Variants in GARIN1A observed in about 807,000 individuals in gnomAD.
GARIN1A encodes the protein golgi associated RAB2 interactor 1A.
chr7:128,682,695 A>G, the GARIN1A span, among the ~76,000 whole-genome samples: 1 of 152,114 alleles, frequency 6.6e-6, no homozygotes, highest in African/African-American at 2.4e-5. Context: ...CTCATGCCTC[A>G]GCCTCCCGAG....
chr7:128,689,711 G>A, the GARIN1A span, among the ~76,000 whole-genome samples: 3 of 149,994 alleles, frequency 2.0e-5, no homozygotes, highest in Admixed American at 6.6e-5. Flanking sequence ...GAGCGTCCCC[G>A]CCCGGCAGCC....
the GARIN1A span, among the ~76,000 whole-genome samples, chr7:128,676,327 A>G: frequency 3.8e-4 from 58 of 152,076 alleles, no homozygotes; most frequent in African/African-American, 9.6e-4. Flanking sequence ...TTTAGTATCT[A>G]TATTTACCAA....
At chr7:128,696,830 G>A in the GARIN1A span, among the ~76,000 whole-genome samples, 1 of 152,214 alleles carries the variant, frequency 6.6e-6, no homozygotes, top group Non-Finnish European at 1.5e-5. Flanking sequence ...AAGCCCTACA[G>A]AGAATAAATA....
At chr7:128,675,162 G>A in the GARIN1A span, among the ~76,000 whole-genome samples, 653 of 152,256 alleles carry the variant, frequency 4.3e-3, 4 homozygotes, top group African/African-American at 0.015. Flanking sequence ...TGCTTCAAGA[G>A]AATAGGTCCT....
the GARIN1A span, among the ~76,000 whole-genome samples, chr7:128,697,227 C>G: frequency 1.3e-5 from 2 of 152,196 alleles, no homozygotes; most frequent in Non-Finnish European, 2.9e-5. Context: ...TGCAGGGCAG[C>G]TCTCCTGGGT....
chr7:128,702,356 A>G, the GARIN1A span, among the ~76,000 whole-genome samples: 3 of 152,204 alleles, frequency 2.0e-5, no homozygotes, highest in Non-Finnish European at 4.4e-5. Context: ...AGTAAACTGT[A>G]TGACAACAAT....
the GARIN1A span, among the ~76,000 whole-genome samples, chr7:128,682,515 A>G: frequency 6.6e-6 from 1 of 152,006 alleles, no homozygotes; most frequent in Admixed American, 6.6e-5. Context: ...ACATTTCCAT[A>G]TTTCTACATG....
the GARIN1A span, among the ~76,000 whole-genome samples, chr7:128,692,388 C>A: frequency 0.27 from 41,151 of 152,166 alleles, 5,936 homozygotes; most frequent in East Asian, 0.54. Flanking sequence ...CCCTTGCTGA[C>A]TGGGCTCATC....
the GARIN1A span, chr7:128,687,789 T>C: frequency 2.6e-5 from 4 of 152,224 alleles, no homozygotes; most frequent in African/African-American, 7.2e-5. Flanking sequence ...GCCCCTTGTA[T>C]TGCTGGGGGA....
the GARIN1A span, chr7:128,678,011 G>A: frequency 1.8e-5 from 3 of 165,346 alleles, no homozygotes; most frequent in Non-Finnish European, 3.2e-5. Flanking sequence ...ATTTAGAAAT[G>A]TTTCTTTTTT....
the GARIN1A span, among the ~76,000 whole-genome samples, chr7:128,694,142 T>C: frequency 3.3e-5 from 5 of 152,184 alleles, no homozygotes; most frequent in African/African-American, 1.2e-4. Flanking sequence ...GGACTACTGA[T>C]TATTAAATGA....
the GARIN1A span, among the ~76,000 whole-genome samples, chr7:128,702,338 T>C: frequency 6.6e-6 from 1 of 152,284 alleles, no homozygotes; most frequent in South Asian, 2.1e-4. Context: ...GTTTGTAACA[T>C]ATATAAAAGT....
At chr7:128,672,358 GC>G in the GARIN1A span, 1 of 1,567,202 alleles carries the variant, frequency 6.4e-7, no homozygotes, top group Admixed American at 1.8e-5. Flanking sequence ...TCGGCGTGGA[GC>G]CCCAGAAATG....
At chr7:128,696,389 C>T in the GARIN1A span, among the ~76,000 whole-genome samples, 21 of 152,128 alleles carry the variant, frequency 1.4e-4, 1 homozygote, top group East Asian at 1.9e-3. Flanking sequence ...CTCTGTGTCT[C>T]ATTTTTCTAA....
At chr7:128,705,201 A>T in the GARIN1A span, among the ~76,000 whole-genome samples, 1 of 152,214 alleles carries the variant, frequency 6.6e-6, no homozygotes, top group East Asian at 1.9e-4. Flanking sequence ...CATTTCCCTC[A>T]TGAACATACA....
At chr7:128,704,139 T>A in the GARIN1A span, among the ~76,000 whole-genome samples, 1 of 140,274 alleles carries the variant, frequency 7.1e-6, no homozygotes, top group Non-Finnish European at 1.5e-5. Context: ...AAGAAGTGCA[T>A]AAAAGCTGTG....
chr7:128,677,675 C>T, the GARIN1A span: 2 of 1,613,786 alleles, frequency 1.2e-6, no homozygotes. Flanking sequence ...ACGAAAAACA[C>T]CCAGAGATTG....
the GARIN1A span, among the ~76,000 whole-genome samples, chr7:128,704,689 C>A: frequency 6.6e-6 from 1 of 152,118 alleles, no homozygotes; most frequent in African/African-American, 2.4e-5. Context: ...AATCTAACGC[C>A]GCCGCTGATC....
At chr7:128,703,405 A>G in the GARIN1A span, among the ~76,000 whole-genome samples, 193 of 152,370 alleles carry the variant, frequency 1.3e-3, 1 homozygote, top group Non-Finnish European at 2.8e-4. Flanking sequence ...TATAAACTAC[A>G]CACTTCTACA....
Sources: allele counts gnomAD v4.1 joint callset (sites outside exome capture counted in the v4.1 genomes callset), GRCh38; gene constraint gnomAD v4.1.1; transcripts MANE v1.5; gene names NCBI Gene and HGNC (gene_info 2026-07-23, HGNC 2026-07-21).